PTPN14: variants seen among roughly 807,000 people sequenced by gnomAD.
PTPN14 encodes tyrosine-protein phosphatase non-receptor type 14.
A neutral mutation model predicts 126.8 loss-of-function variants in PTPN14; 53 were observed. That is an observed-to-expected ratio of 0.42 (90% confidence interval 0.34 to 0.53). The LOEUF (loss-of-function observed/expected upper bound fraction) is 0.53, where lower values mean the gene tolerates loss of function less well. Ranked by LOEUF, PTPN14 falls within the 20% of genes least tolerant of loss-of-function variation. The pLI is 0.08. For missense variants in PTPN14, 1,257 were observed against 1,552.9 expected (o/e 0.81, Z 3.20); for synonymous variants, 630 against 599.3 (o/e 1.05, Z -0.75).
intron 1 of PTPN14, among the ~76,000 whole-genome samples, chr1:214,520,553 C>G (rs1655230010): frequency 6.6e-6 from 1 of 152,146 alleles, no homozygotes; most frequent in African/African-American, 2.4e-5. Flanking sequence ...AGTTCAGCAG[C>G]AGGTGGGAAC....
intron 17 of PTPN14, among the ~76,000 whole-genome samples, chr1:214,367,220 A>G (rs1287193770): frequency 2.0e-5 from 3 of 152,186 alleles, no homozygotes; most frequent in Non-Finnish European, 2.9e-5. Context: ...GAGCACTGTT[A>G]GGAGGAAAAG....
intron 5 of PTPN14, among the ~76,000 whole-genome samples, chr1:214,406,474 G>A (rs1021160778): frequency 1.4e-5 from 2 of 144,850 alleles, no homozygotes; most frequent in Non-Finnish European, 3.0e-5. Context: ...GAGCGAGATT[G>A]TCTGAAAAAA....
At chr1:214,362,818 C>T (rs1657987120) in intron 18 of PTPN14, among the ~76,000 whole-genome samples, 1 of 151,450 alleles carries the variant, frequency 6.6e-6, no homozygotes. Context: ...GCCTGGGCAA[C>T]ATAGCAAAAC....
At chr1:214,436,913 A>G (rs1425508522) in intron 3 of PTPN14, among the ~76,000 whole-genome samples, 1 of 152,102 alleles carries the variant, frequency 6.6e-6, no homozygotes, top group Non-Finnish European at 1.5e-5. Flanking sequence ...ATGCATGCAA[A>G]TGCAACACAC....
At chr1:214,397,586 G>A (rs903777106) in intron 8 of PTPN14, among the ~76,000 whole-genome samples, 2 of 152,202 alleles carry the variant, frequency 1.3e-5, no homozygotes, top group Non-Finnish European at 2.9e-5. Context: ...TTGTGGCACA[G>A]GTGGTTCAGA....
chr1:214,506,674 T>C (rs1000098001), intron 1 of PTPN14, among the ~76,000 whole-genome samples: 2 of 152,184 alleles, frequency 1.3e-5, no homozygotes, highest in Non-Finnish European at 2.9e-5. Context: ...AGGTGGCCAA[T>C]GCTCATTAAC....
chr1:214,374,679 A>G (rs1037919723), intron 15 of PTPN14, among the ~76,000 whole-genome samples: 8 of 152,212 alleles, frequency 5.3e-5, no homozygotes, highest in African/African-American at 1.9e-4. Context: ...AAGTTCTTGC[A>G]AGGTCCACGG....
Position 214,521,644 on chromosome 1 carries a change from G to T in PTPN14, c.-155+29539C>A, listed in dbSNP as rs139814683. ...ACAGGAGAACCGCCTGAACCAGGGA[G>T]GCGGAGGTTGCAGTGAGCCGAGATA... On this transcript the variant is annotated intron_variant, in intron 1 of 18. Coordinates refer to ENST00000366956, the MANE Select transcript of PTPN14 (RefSeq NM_005401.5). Among the ~76,000 whole-genome samples the T allele has an allele frequency of 4.7e-3, 719 of 152,220 alleles. 3 individuals carry two copies. The highest frequency in any genetic ancestry group is 0.016 in the African/African-American group (680 of 41,552).
At chr1:214,422,510 T>G (rs879686677) in intron 3 of PTPN14, among the ~76,000 whole-genome samples, 4 of 152,178 alleles carry the variant, frequency 2.6e-5, no homozygotes, top group Non-Finnish European at 4.4e-5. Context: ...CATATCTGCC[T>G]GCCCTGAAAA....
At chr1:214,487,217 AAGGAAAG>A (rs1418584161) in intron 1 of PTPN14, among the ~76,000 whole-genome samples, 2 of 151,862 alleles carry the variant, frequency 1.3e-5, no homozygotes, top group African/African-American at 4.8e-5. Context: ...AGAAAAGGAG[AAGGAAAG>A]ACAGGAATTA....
At chr1:214,443,148 CT>C (rs1194439833) in intron 3 of PTPN14, among the ~76,000 whole-genome samples, 2 of 152,188 alleles carry the variant, frequency 1.3e-5, no homozygotes, top group Non-Finnish European at 2.9e-5. Flanking sequence ...CACACCATAT[CT>C]TTTTCTTAAG....
At position 214,518,496 on chromosome 1, in the gene PTPN14, T is replaced by C. The variant is rs149695180; in HGVS notation, c.-155+32687A>G. 7.7e-4 allele frequency among the ~76,000 whole-genome samples: 117 copies of C among 152,346 alleles called. 1 individual carries two copies. The highest frequency in any genetic ancestry group is 2.7e-3 in the African/African-American group (112 of 41,578). On this transcript the variant is annotated intron_variant, in intron 1 of 18. Coordinates refer to ENST00000366956, the MANE Select transcript of PTPN14 (RefSeq NM_005401.5). ...TGTCTTGAATAGTATTATCCTCTAT[T>C]ATCCACTGTGGTAGATGATCTATTT...
At chr1:214,460,354 C>T (rs1208172815) in intron 2 of PTPN14, among the ~76,000 whole-genome samples, 1 of 152,018 alleles carries the variant, frequency 6.6e-6, no homozygotes, top group African/African-American at 2.4e-5. Flanking sequence ...CATCCTGCCC[C>T]TTCCTCCTTT....
chr1:214,501,517 C>T (rs1654697838), intron 1 of PTPN14, among the ~76,000 whole-genome samples: 2 of 152,104 alleles, frequency 1.3e-5, no homozygotes. Flanking sequence ...GCTGGGATTA[C>T]AGGCATGAAT....
intron 3 of PTPN14, among the ~76,000 whole-genome samples, chr1:214,444,864 C>T (rs1660108978): frequency 6.6e-6 from 1 of 152,072 alleles, no homozygotes. Flanking sequence ...AAGGGGACCC[C>T]CATCATAGTT....
chr1:214,426,476 C>A (rs140425203), intron 3 of PTPN14, among the ~76,000 whole-genome samples: 1 of 152,058 alleles, frequency 6.6e-6, no homozygotes, highest in African/African-American at 2.4e-5. Context: ...ACAAGACCAT[C>A]TTTTATAACT....
intron 8 of PTPN14, among the ~76,000 whole-genome samples, chr1:214,397,671 T>A (rs1357103667): frequency 1.3e-5 from 2 of 152,212 alleles, no homozygotes; most frequent in Non-Finnish European, 2.9e-5. Context: ...AAGTTTAGTT[T>A]CATCCTTCTA....
chr1:214,415,750 G>A (rs1659411966), intron 3 of PTPN14, among the ~76,000 whole-genome samples: 5 of 152,110 alleles, frequency 3.3e-5, no homozygotes, highest in South Asian at 2.1e-4. Flanking sequence ...ACTGGGCTCC[G>A]TGCATGCTCC....
chr1:214,409,335 T>G (rs1337212291), intron 5 of PTPN14, among the ~76,000 whole-genome samples: 5 of 152,234 alleles, frequency 3.3e-5, no homozygotes, highest in Admixed American at 2.0e-4. Context: ...AGTATTTGTC[T>G]TTCTGTGCCT....
Sources: gnomAD v4.1 joint callset for allele counts (sites outside exome capture counted in the v4.1 genomes callset) on GRCh38, gnomAD v4.1.1 for gene constraint, MANE v1.5 for transcripts, NCBI Gene and HGNC (gene_info 2026-07-23, HGNC 2026-07-21) for gene names.